LRMDA: variants seen among roughly 807,000 people sequenced by gnomAD.
The protein encoded by LRMDA is leucine-rich melanocyte differentiation-associated protein.
In LRMDA, 18 loss-of-function variants were observed where a neutral mutation model predicts 29.8. The ratio of observed to expected loss-of-function variants is 0.60; its 90% CI spans 0.42 to 0.90. The LOEUF (loss-of-function observed/expected upper bound fraction) is 0.90. Ranked by LOEUF, LRMDA falls within the 40% of genes least tolerant of loss-of-function variation. The probability of loss-of-function intolerance (pLI) is 0.00; values close to 1 mark genes in which losing one functional copy is unlikely to be tolerated. For synonymous variants in LRMDA, 125 were observed against 109.4 expected, an observed-to-expected ratio of 1.14 and a Z score of -0.89; for missense variants, 273 against 273.9, an observed-to-expected ratio of 1.00 and a Z score of 0.02.
At chr10:76,479,812 C>A (rs1258018690) in intron 6 of LRMDA, among the ~76,000 whole-genome samples, 1 of 151,758 alleles carries the variant, frequency 6.6e-6, no homozygotes, top group African/African-American at 2.4e-5. Context: ...TGATAATATA[C>A]CCTATATGAG....
chr10:75,952,367 T>TA (rs956097413), intron 2 of LRMDA, among the ~76,000 whole-genome samples: 2 of 152,178 alleles, frequency 1.3e-5, no homozygotes, highest in Admixed American at 6.5e-5. Flanking sequence ...AAAAATCATA[T>TA]AAAAAAACTC....
chr10:75,473,588 A>G (rs980371020), intron 2 of LRMDA, among the ~76,000 whole-genome samples: 4 of 152,232 alleles, frequency 2.6e-5, no homozygotes, highest in Admixed American at 2.6e-4. Context: ...TGGGCTCCAA[A>G]GGCAGACTGC....
intron 2 of LRMDA, among the ~76,000 whole-genome samples, chr10:75,703,246 G>A (rs552986551): frequency 3.9e-5 from 6 of 152,096 alleles, no homozygotes; most frequent in South Asian, 2.1e-4. Context: ...ATTTCAACAC[G>A]CTTTTCCCAG....
chr10:75,792,614 C>T (rs1227794307), intron 2 of LRMDA, among the ~76,000 whole-genome samples: 3 of 152,090 alleles, frequency 2.0e-5, no homozygotes, highest in Non-Finnish European at 4.4e-5. Context: ...GGAAACAGAC[C>T]TGTATGCCTG....
intron 2 of LRMDA, among the ~76,000 whole-genome samples, chr10:75,908,379 C>A (rs1231915917): frequency 6.6e-6 from 1 of 152,080 alleles, no homozygotes; most frequent in African/African-American, 2.4e-5. Flanking sequence ...CTAGGCTGAC[C>A]CATATATTAG....
chr10:75,572,330 C>G (rs1840447395), intron 2 of LRMDA, among the ~76,000 whole-genome samples: 1 of 150,640 alleles, frequency 6.6e-6, no homozygotes, highest in South Asian at 2.1e-4. Context: ...TCCCTGTCTT[C>G]TTTTTCAGCT....
chr10:76,161,146 CA>C (rs1850640037), intron 5 of LRMDA, among the ~76,000 whole-genome samples: 1 of 152,004 alleles, frequency 6.6e-6, no homozygotes, highest in African/African-American at 2.4e-5. Flanking sequence ...TTTATTATGC[CA>C]AGGGAGATAA....
chr10:75,490,821 G>A (rs903042447), intron 2 of LRMDA, among the ~76,000 whole-genome samples: 3 of 152,132 alleles, frequency 2.0e-5, no homozygotes, highest in Admixed American at 6.5e-5. Flanking sequence ...TCACTAATAC[G>A]CCTCTGCTGA....
intron 6 of LRMDA, among the ~76,000 whole-genome samples, chr10:76,538,508 A>G (rs973684927): frequency 1.4e-5 from 2 of 147,748 alleles, no homozygotes; most frequent in African/African-American, 4.9e-5. Context: ...ATGTATATAT[A>G]TATGTATATA....
At chr10:75,511,815 C>T (rs1284506833) in intron 2 of LRMDA, among the ~76,000 whole-genome samples, 3 of 152,176 alleles carry the variant, frequency 2.0e-5, no homozygotes, top group South Asian at 2.1e-4. Context: ...ATGAGCTCCC[C>T]ACCAGAGAGA....
chr10:75,569,967 G>A (rs943216789), intron 2 of LRMDA, among the ~76,000 whole-genome samples: 9 of 152,256 alleles, frequency 5.9e-5, no homozygotes, highest in African/African-American at 2.2e-4. Context: ...GGATAACAAA[G>A]TAAGCAGATA....
At chr10:76,003,024 A>C (rs1847587248) in intron 2 of LRMDA, among the ~76,000 whole-genome samples, 1 of 152,210 alleles carries the variant, frequency 6.6e-6, no homozygotes, top group African/African-American at 2.4e-5. Flanking sequence ...TGAGTTTTAT[A>C]AATATAGGAG....
chr10:76,226,308 C>A (rs960071135), intron 5 of LRMDA, among the ~76,000 whole-genome samples: 1 of 152,020 alleles, frequency 6.6e-6, no homozygotes, highest in African/African-American at 2.4e-5. Context: ...TCAGGCCGGG[C>A]GTGGTGGCTT....
At position 76,059,646 on chromosome 10, in the gene LRMDA, C is replaced by T. The variant is rs147911370; in HGVS notation, c.516+863C>T. On this transcript the variant is annotated intron_variant, in intron 5 of 6. Transcript: ENST00000611255. The stretch of plus-strand genomic sequence containing the variant: ...TGTTGAAAATGCTGGCACTGATATC[C>T]TAGAAGTCTAGTTTATCCTCAGCTA... Among the ~76,000 whole-genome samples, 242 of 152,284 alleles carry T rather than the reference C, an allele frequency of 1.6e-3. 3 individuals carry two copies. The highest frequency in any genetic ancestry group is 5.5e-3 in the African/African-American group (230 of 41,544).
chr10:75,911,299 T>C (rs1010034309), intron 2 of LRMDA, among the ~76,000 whole-genome samples: 1 of 152,084 alleles, frequency 6.6e-6, no homozygotes, highest in African/African-American at 2.4e-5. Flanking sequence ...GCACCCTGTG[T>C]GACATGGTAC....
intron 2 of LRMDA, among the ~76,000 whole-genome samples, chr10:75,500,674 C>G (rs760340350): frequency 6.6e-6 from 1 of 152,108 alleles, no homozygotes; most frequent in Admixed American, 6.5e-5. Flanking sequence ...AGGAAACTTA[C>G]AATCATGGCA....
intron 2 of LRMDA, among the ~76,000 whole-genome samples, chr10:75,706,507 A>C (rs1248277153): frequency 3.3e-5 from 5 of 152,224 alleles, no homozygotes; most frequent in African/African-American, 1.2e-4. Context: ...AATTTTGGAC[A>C]TTTGAGGCCT....
intron 2 of LRMDA, among the ~76,000 whole-genome samples, chr10:75,785,351 G>C (rs919323326): frequency 1.8e-5 from 1 of 55,448 alleles, no homozygotes; most frequent in Admixed American, 1.7e-4. Flanking sequence ...GAACGGGTGT[G>C]GAGGAGCAAA....
At chr10:75,492,329 C>T (rs2132061779) in intron 2 of LRMDA, among the ~76,000 whole-genome samples, 1 of 152,304 alleles carries the variant, frequency 6.6e-6, no homozygotes, top group South Asian at 2.1e-4. Context: ...TTGCTCTGAC[C>T]CCACCTCTTG....
Sources: gnomAD v4.1 joint callset for allele counts (sites outside exome capture counted in the v4.1 genomes callset) on GRCh38, gnomAD v4.1.1 for gene constraint, MANE v1.5 for transcripts, NCBI Gene and HGNC (gene_info 2026-07-23, HGNC 2026-07-21) for gene names.